Variants in ZDHHC13 observed in about 807,000 individuals in gnomAD.
ZDHHC13 encodes the protein palmitoyltransferase ZDHHC13.
A neutral mutation model predicts 86.0 loss-of-function variants in ZDHHC13; 85 were observed. That is an observed-to-expected ratio of 0.99 (90% CI 0.83 to 1.18). The LOEUF is 1.18. ZDHHC13 is among the 50% of genes most tolerant of loss of function. The pLI is 0.00. For synonymous variants in ZDHHC13, 263 were observed against 246.4 expected (o/e 1.07, Z -0.63); for missense variants, 711 against 730.2 (o/e 0.97, Z 0.30).
At position 19,175,953 on chromosome 11, in the gene ZDHHC13, C is replaced by A. The variant is rs1243163466; in HGVS notation, c.1862C>A (p.Ser621Ter). Residue 621 changes from serine to a stop codon, truncating the protein, a stop_gained, in exon 17 of 17, where the codon TCA becomes TAA. Transcript: ENST00000446113. LOFTEE classifies it high-confidence loss of function. Reference protein sequence around the residue: ...FHPAREKVLRSV With the variant: ...FHPAREKVLR Reference sequence around the variant, plus strand: ...CCAGCCAGGGAGAAGGTTCTTCGCTCAGTATGAAGAAAAGCAACCCAAAAC... The same window carrying A: ...CCAGCCAGGGAGAAGGTTCTTCGCTAAGTATGAAGAAAAGCAACCCAAAAC... 3 of 1,605,618 alleles carry A rather than the reference C, an allele frequency of 1.9e-6. No individual in the cohort carries two copies. The highest frequency in any genetic ancestry group is 2.3e-5 in the South Asian group (2 of 88,640).
chr11:19,144,128 G>A (rs1328990648), intron 2 of ZDHHC13, among the ~76,000 whole-genome samples: 1 of 152,016 alleles, frequency 6.6e-6, no homozygotes, highest in Non-Finnish European at 1.5e-5. Flanking sequence ...ATTAACTCTA[G>A]AGGCCTTGGG....
Position 19,147,623 on chromosome 11 carries a change from A to G in ZDHHC13, c.324A>G (p.Val108=). 1 of 1,602,060 alleles carries G rather than the reference A, an allele frequency of 6.2e-7. No individual in the cohort carries two copies. ...VKFYISKGAV[V]DQLGGDLNST... The stretch of plus-strand genomic sequence containing the variant: ...TTTATATTTCAAAAGGTGCTGTTGT[A>G]GATCAGTTGGGTGGAGATTTAAATT... Residue 108 remains valine (V), a synonymous_variant, in exon 4 of 17, where the codon GTA becomes GTG. Coordinates refer to ENST00000446113, the MANE Select transcript of ZDHHC13 (RefSeq NM_019028.3).
At chr11:19,164,428 A>G in intron 12 of ZDHHC13, 65 bp downstream of exon 12, 1 of 1,446,970 alleles carries the variant, frequency 6.9e-7, no homozygotes, top group Non-Finnish European at 9.6e-7. Flanking sequence ...TGCTGATGTA[A>G]GCATTTGTCA....
Position 19,165,123 on chromosome 11 carries a change from C to A in ZDHHC13, c.1368C>A (p.Cys456Ter). 1 of 1,612,676 alleles carries A rather than the reference C, an allele frequency of 6.2e-7. No individual in the cohort carries two copies. Residue 456 changes from cysteine (C) to a stop codon, truncating the protein, a stop_gained, in exon 13 of 17, where the codon TGC (cysteine) becomes TGA (stop). Transcript: ENST00000446113. LOFTEE classifies it high-confidence loss of function. ...GTGTGGCTCGATATGATCAACACTGCCTGTGGACTGGACGGTGCATAGGTG... is the reference window on the plus strand; with the variant it reads ...GTGTGGCTCGATATGATCAACACTGACTGTGGACTGGACGGTGCATAGGTG... ...NCCVARYDQHCLWTGRCIGFG... is the reference protein window; with the variant it reads ...NCCVARYDQH
intron 16 of ZDHHC13, among the ~76,000 whole-genome samples, chr11:19,175,233 A>G (rs934135487): frequency 5.3e-5 from 8 of 151,596 alleles, no homozygotes; most frequent in Admixed American, 1.3e-4. Flanking sequence ...CTAAAAAAAT[A>G]CAAAAAATTA....
Position 19,164,884 on chromosome 11 carries a change from A to G in ZDHHC13, c.1297-168A>G, listed in dbSNP as rs994635107. 4 of 604,566 alleles carry G rather than the reference A, an allele frequency of 6.6e-6. No individual in the cohort carries two copies. The African/African-American group carries it at 7.4e-5, about 11-fold the overall frequency. The allele number at this position is 604,566 out of a possible 1,614,324, so 37.5% of individuals were successfully genotyped here. ...TAGTGATGTCCTAATCAAAGTAGAC[A>G]TATGGAAGTAAATACTAATAAGGCA... is the stretch of plus-strand genomic sequence containing the variant. On this transcript the variant is annotated intron_variant, in intron 12 of 16. Transcript: ENST00000446113.
intron 8 of ZDHHC13, among the ~76,000 whole-genome samples, chr11:19,154,862 G>GC (rs1849713670): frequency 6.6e-6 from 1 of 152,026 alleles, no homozygotes; most frequent in South Asian, 2.1e-4. Flanking sequence ...CTAAGATTCT[G>GC]CCCCCTTTCT....
chr11:19,117,216 C>T lies in ZDHHC13; in HGVS notation c.-34C>T, dbSNP rs1427166204. 3 of 1,530,298 alleles carry T rather than the reference C, an allele frequency of 2.0e-6. No individual in the cohort carries two copies. The highest frequency in any genetic ancestry group is 2.6e-6 in the Non-Finnish European group (3 of 1,141,674). 94.8% of individuals were successfully genotyped at this position (1,530,298 alleles called of 1,614,324 possible). ...CGGGCTGGCGGCAGTCGCTACTTGCCTAGTAGCCTCAGCCGCTGTGGGCTC... is the reference window on the plus strand; with the variant it reads ...CGGGCTGGCGGCAGTCGCTACTTGCTTAGTAGCCTCAGCCGCTGTGGGCTC... On this transcript the variant is annotated 5_prime_UTR_variant, in exon 1 of 17. Coordinates refer to ENST00000446113, the MANE Select transcript of ZDHHC13 (RefSeq NM_019028.3). The surrounding 1 kb of genome is among the most constrained non-coding windows in gnomAD (Gnocchi z 4.2).
At position 19,133,920 on chromosome 11, in the gene ZDHHC13, CATATATAT is replaced by C. The variant is rs1554961794; in HGVS notation, c.28-9042_28-9035del. ...TTCTTTACTCTTTACGAAAGAAGTCCATATATATATATATATATATATACACGTATGTG... is the reference window on the plus strand; with the variant it reads ...TTCTTTACTCTTTACGAAAGAAGTCCATATATATATATATACACGTATGTG... On this transcript the variant is annotated intron_variant, in intron 1 of 16. Transcript: ENST00000446113. 7.3e-3 allele frequency among the ~76,000 whole-genome samples: 608 copies of C among 83,442 alleles called. 25 individuals carry two copies. The highest frequency in any genetic ancestry group is 0.013 in the Non-Finnish European group (495 of 37,668). 54.7% of individuals were successfully genotyped at this position (83,442 alleles called of 152,430 possible).
At chr11:19,150,686 AGT>A in intron 5 of ZDHHC13, 39 bp from the exon 6 acceptor site, 1 of 1,536,014 alleles carries the variant, frequency 6.5e-7, no homozygotes, top group East Asian at 2.3e-5. Context: ...TAGACTTTTG[AGT>A]GTATTTACAG....
chr11:19,122,949 CAAT>C (rs772797790), intron 1 of ZDHHC13, among the ~76,000 whole-genome samples: 8 of 152,224 alleles, frequency 5.3e-5, no homozygotes, highest in South Asian at 2.1e-4. Flanking sequence ...TGCGGGTAAA[CAAT>C]GATGACATGA....
At chr11:19,127,438 A>G (rs1204985505) in intron 1 of ZDHHC13, among the ~76,000 whole-genome samples, 2 of 152,166 alleles carry the variant, frequency 1.3e-5, no homozygotes, top group African/African-American at 2.4e-5. Flanking sequence ...TACTGTGCAG[A>G]AGCTCTTTAG....
intron 1 of ZDHHC13, among the ~76,000 whole-genome samples, chr11:19,138,554 C>T (rs1849214614): frequency 6.6e-6 from 1 of 152,012 alleles, no homozygotes. Flanking sequence ...TCCTCCCTAA[C>T]TCATTTTGTG....
At chr11:19,146,820 G>A (rs959014310) in intron 3 of ZDHHC13, among the ~76,000 whole-genome samples, 9 of 152,104 alleles carry the variant, frequency 5.9e-5, no homozygotes, top group Middle Eastern at 3.2e-3. Context: ...AAATGTACAT[G>A]TGTATGTGAA....
At chr11:19,153,411 T>C (rs1370657022) in intron 8 of ZDHHC13, among the ~76,000 whole-genome samples, 1 of 152,230 alleles carries the variant, frequency 6.6e-6, no homozygotes, top group African/African-American at 2.4e-5. Flanking sequence ...GATACCATCA[T>C]CTTATTAATA....
chr11:19,128,785 A>G lies in ZDHHC13; in HGVS notation c.27+11509A>G, dbSNP rs548651214. On this transcript the variant is annotated intron_variant, in intron 1 of 16. Coordinates refer to ENST00000446113, the MANE Select transcript of ZDHHC13 (RefSeq NM_019028.3). Reference sequence around the variant, plus strand: ...AAGCTAGGTAACTTTATTGATGGTAAAAAGCAAGATGAGATTAAAAAATAA... The same window carrying G: ...AAGCTAGGTAACTTTATTGATGGTAGAAAGCAAGATGAGATTAAAAAATAA... Among the ~76,000 whole-genome samples the G allele has an allele frequency of 2.0e-5, 3 of 152,316 alleles. No individual in the cohort carries two copies. The East Asian group carries it at 5.8e-4, about 29-fold the overall frequency.
intron 15 of ZDHHC13, among the ~76,000 whole-genome samples, chr11:19,171,784 CAA>C (rs1218708098): frequency 2.6e-5 from 4 of 152,142 alleles, no homozygotes; most frequent in Non-Finnish European, 5.9e-5. Context: ...AAAATGGACT[CAA>C]AGTTTCAGAT....
chr11:19,148,823 G>A (rs755359934), intron 4 of ZDHHC13: 19 of 157,710 alleles, frequency 1.2e-4, no homozygotes, highest in South Asian at 8.0e-4. Flanking sequence ...AAAATTAGGT[G>A]GGCATGGTGG....
chr11:19,117,199 C>T lies in ZDHHC13; in HGVS notation c.-51C>T. 2 of 1,527,698 alleles carry T rather than the reference C, an allele frequency of 1.3e-6. No homozygotes were observed. Among genetic ancestry groups the T allele is most frequent in the Non-Finnish European group, 8.8e-7 (1 of 1,140,066 alleles). The allele number at this position is 1,527,698 out of a possible 1,614,324, so 94.6% of individuals were successfully genotyped here. The stretch of plus-strand genomic sequence containing the variant: ...GACCCAAGGCGGGCTGGCGGGCTGG[C>T]GGCAGTCGCTACTTGCCTAGTAGCC... On this transcript the variant is annotated 5_prime_UTR_variant, in exon 1 of 17. Transcript: ENST00000446113. This position sits in a 1 kb window ranked among gnomAD's most constrained non-coding sequence, Gnocchi z 4.2.
Sources: gnomAD v4.1 joint callset for allele counts (sites outside exome capture counted in the v4.1 genomes callset) on GRCh38, gnomAD v4.1.1 for gene constraint, Gnocchi (gnomAD v3.1) non-coding constraint, MANE v1.5 for transcripts, NCBI Gene and HGNC (gene_info 2026-07-23, HGNC 2026-07-21) for gene names.